ZFYVE26: variants seen among roughly 807,000 people sequenced by gnomAD.
ZFYVE26 encodes zinc finger FYVE-type containing 26.
In ZFYVE26, 181 loss-of-function variants were observed where a neutral mutation model predicts 276.5. The observed-to-expected ratio is 0.65, with a 90% CI of 0.58 to 0.74. The LOEUF (loss-of-function observed/expected upper bound fraction) is 0.74. Among genes scored for constraint, ZFYVE26 ranks in the 30% least tolerant of loss-of-function variants. The pLI is 0.00. For missense variants in ZFYVE26, 2,821 were observed against 3,097.9 expected (o/e 0.91, Z 2.12); for synonymous variants, 1,129 against 1,203.1 (o/e 0.94, Z 1.27).
At chr14:67,745,441 G>A (rs112242908), downstream of ZFYVE26, among the ~76,000 whole-genome samples, 561 of 151,190 alleles carry the variant, frequency 3.7e-3, 1 homozygote, top group Non-Finnish European at 6.4e-3. Context: ...CTCTAGTAAC[G>A]AACTATAGAA....
Position 67,762,988 on chromosome 14 carries a change from C to T in ZFYVE26, c.6012-169G>A, listed in dbSNP as rs182104407. 1.4e-4 allele frequency among the ~76,000 whole-genome samples: 21 copies of T among 152,308 alleles called. No individual in the cohort carries two copies. In the East Asian group the frequency reaches 3.9e-3, roughly 28 times the overall value. On this transcript the variant is annotated intron_variant, in intron 32 of 41. Transcript: ENST00000347230. ...TCCGATCTCGGCTCACTGCAACCAC[C>T]GCCTCCTGGGTTCAAACGATTCTTC... is the stretch of plus-strand genomic sequence containing the variant.
chr14:67,733,855 G>T, intron 13 of ZFYVE26: 1 of 1,598,404 alleles, frequency 6.3e-7, no homozygotes, highest in Non-Finnish European at 8.6e-7. Flanking sequence ...GTAGCTGGTG[G>T]AAGAGCTGCA....
At position 67,784,317 on chromosome 14, in the gene ZFYVE26, A is replaced by G. The variant is rs2039591423; in HGVS notation, c.3626+17T>C. On this transcript the variant is annotated intron_variant, in intron 20 of 41. Transcript: ENST00000347230. ...ATCCGAAGGCCCATGGCTGACTTGC[A>G]TGGAGGTGGCTCCTACCTCTCTGGG... 6.2e-7 allele frequency: 1 copy of G among 1,609,422 alleles called. No homozygotes were observed.
In ZFYVE26 at chr14:67,765,870, G is replaced by T. The variant is rs561587873; in HGVS notation, c.6011+357C>A. ...GGCTAATCACTGGACATTCAAGGAGGACACATTTTCTTTAAAAGCCAGAAA... is the reference window on the plus strand; with the variant it reads ...GGCTAATCACTGGACATTCAAGGAGTACACATTTTCTTTAAAAGCCAGAAA... On this transcript the variant is annotated intron_variant, in intron 32 of 41. Coordinates refer to ENST00000347230, the MANE Select transcript of ZFYVE26 (RefSeq NM_015346.4). 2.6e-5 allele frequency among the ~76,000 whole-genome samples: 4 copies of T among 152,270 alleles called. No homozygotes were observed. In the East Asian group the frequency reaches 7.7e-4, roughly 29 times the overall value.
chr14:67,767,905 T>C, intron 30 of ZFYVE26, 65 bp from the exon 31 acceptor site: 3 of 1,610,438 alleles, frequency 1.9e-6, no homozygotes, highest in Non-Finnish European at 2.5e-6. Context: ...CCCAGTCCAG[T>C]GAGCTGGCAT....
chr14:67,805,139 C>T, intron 8 of ZFYVE26, 78 bp downstream of exon 8: 1 of 1,424,356 alleles, frequency 7.0e-7, no homozygotes, highest in Non-Finnish European at 9.8e-7. Context: ...TGGAAAACGC[C>T]TTGAAATGGC....
Position 67,798,602 on chromosome 14 carries a change from T to G in ZFYVE26, c.1660A>C (p.Thr554Pro), listed in dbSNP as rs1346995866. 7 of 1,613,786 alleles carry G rather than the reference T, an allele frequency of 4.3e-6. No homozygotes were observed. The highest frequency in any genetic ancestry group is 5.1e-6 in the Non-Finnish European group (6 of 1,179,990). Residue 554 changes from threonine to proline, a missense_variant, in exon 11 of 42, where the codon ACT (threonine) becomes CCT (proline). Thr to Pro is a conservative substitution (Grantham distance 38, BLOSUM62 -1). Transcript: ENST00000347230. ...SSPGAANLFS[T>P]YLARCQQYLC... is the part of the protein sequence containing the mutation. ...TACTGTTGACACCTGGCCAGGTAAG[T>G]TGAGAAGAGATTTGCAGCACCTACA...
chr14:67,789,501 C>G lies in ZFYVE26; in HGVS notation c.2853G>C (p.Thr951=). 1.2e-6 allele frequency: 2 copies of G among 1,614,156 alleles called. No individual in the cohort carries two copies. The highest frequency in any genetic ancestry group is 2.2e-5 in the South Asian group (2 of 91,078). ...PMLQEDFWIS[T]ALVEPTAPLR... ...GGGGAGCAGTGGGCTCCACTAGAGC[C>G]GTGCTTATCCAAAAGTCCTCCTGGA... The change falls in exon 16 of 42, where the codon ACG becomes ACC. Residue 951 remains threonine (T), a synonymous_variant. Coordinates refer to ENST00000347230, the MANE Select transcript of ZFYVE26 (RefSeq NM_015346.4).
At chr14:67,772,003 T>C in intron 28 of ZFYVE26, 44 bp downstream of exon 28, 1 of 1,601,470 alleles carries the variant, frequency 6.2e-7, no homozygotes, top group Non-Finnish European at 8.5e-7. Context: ...AGAATTCTCC[T>C]TTACCTTCTC....
intron 13 of ZFYVE26, chr14:67,734,479 A>G (rs1040436502): frequency 6.5e-6 from 1 of 154,760 alleles, no homozygotes; most frequent in Admixed American, 6.3e-5. Flanking sequence ...TCAGGGCAGC[A>G]AGGGAGAGAA....
chr14:67,798,014 C>T lies in ZFYVE26; in HGVS notation c.2248G>A (p.Glu750Lys), dbSNP rs1256132979. ...CCCACCAGTTCCACCCTTCTCTCAC[C>T]TGAACGATGGTTGCTTGTCACCACC... ...HKVVTSNHRS[E>K]EQPSRRYQPA... The change falls in exon 11 of 42, where the codon GAG becomes AAG. Residue 750 changes from glutamate (E) to lysine (K), a missense_variant and splice_region_variant. Glu to Lys is a moderately conservative substitution (Grantham distance 56). Transcript: ENST00000347230. 6 of 1,614,042 alleles carry T rather than the reference C, an allele frequency of 3.7e-6. No individual in the cohort carries two copies. The highest frequency in any genetic ancestry group is 5.1e-6 in the Non-Finnish European group (6 of 1,180,046).
At chr14:67,781,582 C>G in intron 21 of ZFYVE26, 53 bp from the exon 22 acceptor site, 1 of 1,555,770 alleles carries the variant, frequency 6.4e-7, no homozygotes, top group Non-Finnish European at 8.9e-7. Context: ...CAGAAGAGTT[C>G]AAGAGTCCAG....
chr14:67,754,026 A>G, intron 38 of ZFYVE26, 45 bp downstream of exon 38: 1 of 1,613,816 alleles, frequency 6.2e-7, no homozygotes, highest in Non-Finnish European at 8.5e-7. Flanking sequence ...TAAGTGTTCT[A>G]AAAGATGACA....
rs549939334 is a variant in ZFYVE26 at position 67,778,730 on chromosome 14, C to A, written c.4675-482G>T. On this transcript the variant is annotated intron_variant, in intron 23 of 41. Coordinates refer to ENST00000347230, the MANE Select transcript of ZFYVE26 (RefSeq NM_015346.4). ...CATGTTCCCCCTCACTACCCCCCAA[C>A]CCCAATTTGTGAACTGTAGATGAAG... Among the ~76,000 whole-genome samples, 128 of 151,642 alleles carry A rather than the reference C, an allele frequency of 8.4e-4. 1 individual carries two copies. The highest frequency in any genetic ancestry group is 3.1e-3 in the African/African-American group (127 of 41,262).
At chr14:67,751,605 G>T (rs904108797) in intron 40 of ZFYVE26, 3 of 211,608 alleles carry the variant, frequency 1.4e-5, no homozygotes, top group Non-Finnish European at 2.8e-5. Context: ...CAGGTGCAGT[G>T]GCTCACGCCT....
At chr14:67,803,240 G>T (rs2040113187) in intron 9 of ZFYVE26, among the ~76,000 whole-genome samples, 1 of 152,016 alleles carries the variant, frequency 6.6e-6, no homozygotes, top group South Asian at 2.1e-4. Flanking sequence ...TCTGAGAGGG[G>T]AGGGAAATAA....
chr14:67,814,060 C>G lies in ZFYVE26; in HGVS notation c.199G>C (p.Gly67Arg). The G allele has an allele frequency of 6.2e-7, 1 of 1,613,094 alleles. No individual in the cohort carries two copies. The highest frequency in any genetic ancestry group is 8.5e-7 in the Non-Finnish European group (1 of 1,179,256). Reference sequence around the variant, plus strand: ...ACTCTTTGAGGGTTGATGTCCTGCCCACATCTGAAAAAGGTAAAAAGAAAG... The same window carrying G: ...ACTCTTTGAGGGTTGATGTCCTGCCGACATCTGAAAAAGGTAAAAAGAAAG... ...LVVCPNLLRC[G>R]QDINPQRVAW... is the part of the protein sequence containing the mutation. The change falls in exon 3 of 42, where the codon GGG (glycine) becomes CGG (arginine). Residue 67 changes from glycine to arginine, a missense_variant. By Grantham distance (125) the Gly-to-Arg change is moderately radical. Coordinates refer to ENST00000347230, the MANE Select transcript of ZFYVE26 (RefSeq NM_015346.4).
At chr14:67,775,415 AG>A (rs900427057) in intron 26 of ZFYVE26, among the ~76,000 whole-genome samples, 1 of 152,236 alleles carries the variant, frequency 6.6e-6, no homozygotes, top group Non-Finnish European at 1.5e-5. Context: ...CCTGGAGAGT[AG>A]GGAGTAAGAA....
intron 28 of ZFYVE26, 24 bp downstream of exon 28, chr14:67,772,023 A>G (rs1304041344): frequency 1.1e-5 from 18 of 1,608,614 alleles, no homozygotes; most frequent in Non-Finnish European, 1.4e-5. Context: ...CCTGAGGGTG[A>G]CAGTGGAGAC....
Sources: gnomAD v4.1 joint callset for allele counts (sites outside exome capture counted in the v4.1 genomes callset) on GRCh38, gnomAD v4.1.1 for gene constraint, MANE v1.5 for transcripts, NCBI Gene and HGNC (gene_info 2026-07-23, HGNC 2026-07-21) for gene names.